The following CTNNBL1 variants were observed in gnomAD, a reference collection of about 807,000 sequenced individuals.
The protein encoded by CTNNBL1 is catenin beta like 1.
Under a neutral mutation model 72.7 loss-of-function variants are expected in CTNNBL1, and 31 were observed. The observed-to-expected ratio is 0.43, with a 90% CI of 0.32 to 0.58. CTNNBL1 has a LOEUF of 0.58. Ranked by LOEUF, CTNNBL1 falls within the 20% of genes least tolerant of loss-of-function variation. The probability of loss-of-function intolerance (pLI) is 0.08; values close to 1 mark genes in which losing one functional copy is unlikely to be tolerated. For missense variants in CTNNBL1, 534 were observed against 725.1 expected, an observed-to-expected ratio of 0.74 and a Z score of 3.03; for synonymous variants, 240 against 267.3, an observed-to-expected ratio of 0.90 and a Z score of 1.00.
intron 1 of CTNNBL1, among the ~76,000 whole-genome samples, chr20:37,716,119 G>T (rs1458274001): frequency 1.3e-5 from 2 of 152,070 alleles, no homozygotes; most frequent in African/African-American, 4.8e-5. Context: ...TACTGTTTAT[G>T]TATAAGACAC....
chr20:37,825,568 G>T (rs766880162), intron 11 of CTNNBL1, among the ~76,000 whole-genome samples: 1 of 152,140 alleles, frequency 6.6e-6, no homozygotes, highest in African/African-American at 2.4e-5. Context: ...TCAGTTGCTC[G>T]GGAGGCTGAG....
At chr20:37,707,074 C>T (rs1170334250) in intron 1 of CTNNBL1, among the ~76,000 whole-genome samples, 1 of 152,104 alleles carries the variant, frequency 6.6e-6, no homozygotes, top group Non-Finnish European at 1.5e-5. Context: ...ATGCTGTAAA[C>T]AGATATGCTG....
intron 1 of CTNNBL1, among the ~76,000 whole-genome samples, chr20:37,724,258 C>T (rs186517016): frequency 2.8e-4 from 42 of 152,188 alleles, no homozygotes; most frequent in Admixed American, 9.8e-4. Context: ...GTGTATACCC[C>T]CCTCTTCTCC....
At chr20:37,800,338 C>T (rs1364017978) in intron 10 of CTNNBL1, among the ~76,000 whole-genome samples, 2 of 152,146 alleles carry the variant, frequency 1.3e-5, no homozygotes, top group Non-Finnish European at 2.9e-5. Context: ...TGGGGTTCCT[C>T]CTCCAGGCTT....
At chr20:37,824,621 T>C (rs2072142008) in intron 11 of CTNNBL1, among the ~76,000 whole-genome samples, 2 of 152,226 alleles carry the variant, frequency 1.3e-5, no homozygotes, top group South Asian at 4.1e-4. Context: ...TTTATTTCTC[T>C]CTCAGGTAAA....
intron 1 of CTNNBL1, chr20:37,695,148 T>A (rs1253284956): frequency 7.5e-6 from 1 of 133,914 alleles, no homozygotes; most frequent in Non-Finnish European, 1.7e-5. Flanking sequence ...TCATATTGAT[T>A]AAATGATCAT....
chr20:37,762,264 T>G (rs2073424740), intron 5 of CTNNBL1, among the ~76,000 whole-genome samples: 1 of 152,188 alleles, frequency 6.6e-6, no homozygotes, highest in African/African-American at 2.4e-5. Flanking sequence ...TATTACTGTG[T>G]TTTAAATATG....
At chr20:37,810,851 A>G (rs149677831) in intron 11 of CTNNBL1, among the ~76,000 whole-genome samples, 1 of 152,304 alleles carries the variant, frequency 6.6e-6, no homozygotes, top group East Asian at 1.9e-4. Context: ...TGGTTCTGTC[A>G]TTTACCAGCT....
chr20:37,846,014 T>C (rs2072343868), intron 13 of CTNNBL1, among the ~76,000 whole-genome samples: 1 of 152,194 alleles, frequency 6.6e-6, no homozygotes, highest in Non-Finnish European at 1.5e-5. Flanking sequence ...AATCTAGTCA[T>C]TTGGCAAATG....
intron 10 of CTNNBL1, among the ~76,000 whole-genome samples, chr20:37,782,359 C>T (rs2073633657): frequency 6.6e-6 from 1 of 152,094 alleles, no homozygotes; most frequent in Non-Finnish European, 1.5e-5. Context: ...GATACATACT[C>T]CCTCCTTCCC....
At chr20:37,849,349 C>T (rs1024523954) in intron 13 of CTNNBL1, among the ~76,000 whole-genome samples, 7 of 152,216 alleles carry the variant, frequency 4.6e-5, no homozygotes, top group East Asian at 1.9e-4. Flanking sequence ...TAACCTCCTG[C>T]GCCGGCCTCA....
At chr20:37,798,623 C>T (rs551495279) in intron 10 of CTNNBL1, among the ~76,000 whole-genome samples, 4 of 152,244 alleles carry the variant, frequency 2.6e-5, no homozygotes, top group African/African-American at 9.6e-5. Context: ...AATTACTGCC[C>T]CCTCTAAACA....
chr20:37,865,194 A>G (rs2072526783), intron 15 of CTNNBL1, among the ~76,000 whole-genome samples: 1 of 152,124 alleles, frequency 6.6e-6, no homozygotes, highest in South Asian at 2.1e-4. Context: ...GATAAGTGAG[A>G]CACTCAGGAG....
intron 1 of CTNNBL1, among the ~76,000 whole-genome samples, chr20:37,729,665 G>A (rs1279801499): frequency 6.6e-6 from 1 of 152,124 alleles, no homozygotes; most frequent in African/African-American, 2.4e-5. Flanking sequence ...CAGAATCGCA[G>A]CAGGGCTTAT....
At chr20:37,802,108 G>A (rs961674907) in intron 10 of CTNNBL1, among the ~76,000 whole-genome samples, 1 of 152,200 alleles carries the variant, frequency 6.6e-6, no homozygotes, top group Admixed American at 6.5e-5. Context: ...GCCAAAGGGT[G>A]GAAACAAACC....
At chr20:37,724,387 CGA>C (rs1456556539) in intron 1 of CTNNBL1, among the ~76,000 whole-genome samples, 5 of 151,552 alleles carry the variant, frequency 3.3e-5, no homozygotes, top group Non-Finnish European at 7.4e-5. Flanking sequence ...TAAATGTGAG[CGA>C]GACTAGAAAT....
intron 2 of CTNNBL1, among the ~76,000 whole-genome samples, chr20:37,737,042 A>T (rs113708184): frequency 0.039 from 5,944 of 151,782 alleles, 356 homozygotes; most frequent in African/African-American, 0.13. Context: ...GCTAACACGA[A>T]GAAACCCTGT....
intron 7 of CTNNBL1, among the ~76,000 whole-genome samples, chr20:37,773,769 G>GTCA (rs200309415): frequency 6.6e-6 from 1 of 151,868 alleles, no homozygotes; most frequent in Non-Finnish European, 1.5e-5. Flanking sequence ...ACATTTGGTT[G>GTCA]TCATCATCAT....
chr20:37,702,853 A>G (rs1406366025), intron 1 of CTNNBL1, among the ~76,000 whole-genome samples: 1 of 152,212 alleles, frequency 6.6e-6, no homozygotes, highest in Non-Finnish European at 1.5e-5. Flanking sequence ...AATGTCTAAT[A>G]CATGGTTGTT....
Sources: allele counts gnomAD v4.1 joint callset (sites outside exome capture counted in the v4.1 genomes callset), GRCh38; gene constraint gnomAD v4.1.1; transcripts MANE v1.5; gene names NCBI Gene and HGNC (gene_info 2026-07-23, HGNC 2026-07-21).